The following KLHL32 variants were observed in gnomAD, a reference collection of about 807,000 sequenced individuals.
KLHL32 encodes kelch like family member 32, also known as kelch-like protein 32.
In KLHL32, 35 loss-of-function variants were observed where a neutral mutation model predicts 64.8. The observed-to-expected ratio is 0.54, with a 90% CI of 0.41 to 0.72. The LOEUF (loss-of-function observed/expected upper bound fraction) is 0.72. Ranked by LOEUF, KLHL32 falls within the 30% of genes least tolerant of loss-of-function variation. The pLI, the probability that KLHL32 is intolerant of heterozygous loss-of-function variation, is 0.00. For missense variants in KLHL32, 589 were observed against 768.5 expected (o/e 0.77, Z 2.76); for synonymous variants, 259 against 281.0 (o/e 0.92, Z 0.78).
intron 1 of KLHL32, among the ~76,000 whole-genome samples, chr6:96,936,615 A>T (rs975982952): frequency 6.6e-6 from 1 of 152,184 alleles, no homozygotes; most frequent in Non-Finnish European, 1.5e-5. Context: ...AGTCAACATT[A>T]CCTGTTGCTT....
At chr6:96,969,675 CA>C (rs1188666139) in intron 2 of KLHL32, among the ~76,000 whole-genome samples, 6 of 152,316 alleles carry the variant, frequency 3.9e-5, no homozygotes, top group African/African-American at 1.4e-4. Context: ...ACAACTAGGC[CA>C]AAACCTGCCT....
At chr6:96,959,966 T>C (rs1030975515) in intron 1 of KLHL32, among the ~76,000 whole-genome samples, 11 of 152,208 alleles carry the variant, frequency 7.2e-5, no homozygotes, top group Non-Finnish European at 1.3e-4. Flanking sequence ...TTCCCTTTTT[T>C]ACTGTTAGGT....
In KLHL32 at chr6:97,000,918, T is replaced by C. The variant is rs145973377; in HGVS notation, c.204+24741T>C. On this transcript the variant is annotated intron_variant, in intron 3 of 10. Coordinates refer to ENST00000369261, the MANE Select transcript of KLHL32 (RefSeq NM_052904.4). ...ACTTGAATTTATATTACAAAGTGAA[T>C]GAAGCCAGTCTAAAAAGACTATCTA... Among the ~76,000 whole-genome samples, 55 of 152,302 alleles carry C rather than the reference T, an allele frequency of 3.6e-4. 1 individual carries two copies. In the East Asian group the frequency reaches 0.01, roughly 28 times the overall value.
At chr6:97,046,732 C>T (rs1340939096) in intron 4 of KLHL32, among the ~76,000 whole-genome samples, 2 of 152,152 alleles carry the variant, frequency 1.3e-5, no homozygotes, top group Non-Finnish European at 2.9e-5. Flanking sequence ...CAGCTGCTTT[C>T]TCTTACTATG....
At chr6:97,082,380 G>A (rs535060960) in intron 5 of KLHL32, among the ~76,000 whole-genome samples, 3 of 152,058 alleles carry the variant, frequency 2.0e-5, no homozygotes, top group African/African-American at 4.8e-5. Context: ...TTGGGAGGCC[G>A]AGGCGGGCGG....
rs747902963 is a variant in KLHL32, at chr6:96,976,116, CT to C, written c.144del (p.Glu49ArgfsTer12). 1 of 1,607,630 alleles carries C rather than the reference CT, an allele frequency of 6.2e-7. No individual in the cohort carries two copies. Among genetic ancestry groups the C allele is most frequent in the Non-Finnish European group, 8.5e-7 (1 of 1,175,318 alleles). ...DGILCDITLIAEEQKFHAHKA... is the reference protein window; with the variant it reads ...DGILCDITLIXEEQKFHAHKA... ...ATCCTCTGCGACATCACCCTGATTGCTGAGGAACAGAAATTCCATGCTCACA... is the reference window on the plus strand; with the variant it reads ...ATCCTCTGCGACATCACCCTGATTGCGAGGAACAGAAATTCCATGCTCACA... On this transcript the variant is annotated frameshift_variant, in exon 3 of 11. Coordinates refer to ENST00000369261, the MANE Select transcript of KLHL32 (RefSeq NM_052904.4). LOFTEE classifies it high-confidence loss of function.
chr6:96,924,051 C>T (rs949830597), upstream of KLHL32, among the ~76,000 whole-genome samples: 1 of 152,160 alleles, frequency 6.6e-6, no homozygotes, highest in African/African-American at 2.4e-5. Flanking sequence ...CACCCTTTCT[C>T]ATTTCTCAGG....
intron 3 of KLHL32, among the ~76,000 whole-genome samples, chr6:97,006,799 A>T (rs927112793): frequency 5.3e-5 from 8 of 152,244 alleles, no homozygotes; most frequent in African/African-American, 1.9e-4. Context: ...TTTTTCTTTA[A>T]GAATGCTGAA....
At chr6:96,941,158 T>G (rs1171574005) in intron 1 of KLHL32, among the ~76,000 whole-genome samples, 1 of 152,224 alleles carries the variant, frequency 6.6e-6, no homozygotes, top group Non-Finnish European at 1.5e-5. Flanking sequence ...GGTTGAAATT[T>G]TAAAAAATAA....
intron 3 of KLHL32, among the ~76,000 whole-genome samples, chr6:97,018,815 A>G (rs1781594156): frequency 6.6e-6 from 1 of 152,242 alleles, no homozygotes; most frequent in South Asian, 2.1e-4. Context: ...ACCTATATTC[A>G]CTTAACAAAC....
the KLHL32 span, among the ~76,000 whole-genome samples, chr6:96,917,313 C>A: frequency 6.6e-6 from 1 of 152,226 alleles, no homozygotes; most frequent in African/African-American, 2.4e-5. Flanking sequence ...TCCCTGATCT[C>A]TCTGCCTGAT....
At chr6:97,080,379 A>G (rs1319809743) in intron 5 of KLHL32, among the ~76,000 whole-genome samples, 1 of 152,212 alleles carries the variant, frequency 6.6e-6, no homozygotes, top group Non-Finnish European at 1.5e-5. Flanking sequence ...TTATAAGTAA[A>G]CAGAAAAAGC....
chr6:96,938,553 A>G (rs894248202), intron 1 of KLHL32, among the ~76,000 whole-genome samples: 11 of 152,008 alleles, frequency 7.2e-5, no homozygotes, highest in Admixed American at 1.3e-4. Flanking sequence ...CTGCCTGTGG[A>G]CCACACTGTT....
chr6:96,973,245 T>A (rs958776419), intron 2 of KLHL32, among the ~76,000 whole-genome samples: 10 of 152,222 alleles, frequency 6.6e-5, no homozygotes, highest in African/African-American at 2.4e-4. Flanking sequence ...TTGCCAAATT[T>A]CAGTTTACAG....
At chr6:97,112,542 G>A (rs1193428147) in intron 6 of KLHL32, among the ~76,000 whole-genome samples, 1 of 151,832 alleles carries the variant, frequency 6.6e-6, no homozygotes, top group Non-Finnish European at 1.5e-5. Context: ...CACCTCCCGG[G>A]TTCAAGCAAT....
Position 96,982,299 on chromosome 6 carries a change from G to C in KLHL32, c.204+6122G>C, listed in dbSNP as rs376895166. 5.3e-5 allele frequency among the ~76,000 whole-genome samples: 8 copies of C among 152,148 alleles called. 1 individual carries two copies. The highest frequency in any genetic ancestry group is 1.9e-4 in the African/African-American group (8 of 41,546). ...TTGTTGAATTGACCCTTTACCATTA[G>C]GTAATGCCCTTCTTTGTCTTCTTTT... On this transcript the variant is annotated intron_variant, in intron 3 of 10. Coordinates refer to ENST00000369261, the MANE Select transcript of KLHL32 (RefSeq NM_052904.4).
intron 6 of KLHL32, among the ~76,000 whole-genome samples, chr6:97,108,753 C>G (rs1796736192): frequency 6.6e-6 from 1 of 152,130 alleles, no homozygotes; most frequent in Non-Finnish European, 1.5e-5. Context: ...TTTATGTTAT[C>G]AGAATCAGCC....
At chr6:97,046,880 T>A (rs1460641819) in intron 4 of KLHL32, among the ~76,000 whole-genome samples, 1 of 152,238 alleles carries the variant, frequency 6.6e-6, no homozygotes, top group African/African-American at 2.4e-5. Context: ...TGTATATAGA[T>A]TTGTAAAAAT....
chr6:96,978,214 G>T (rs1317855822), intron 3 of KLHL32, among the ~76,000 whole-genome samples: 1 of 152,046 alleles, frequency 6.6e-6, no homozygotes, highest in Non-Finnish European at 1.5e-5. Flanking sequence ...TTTCATGAGG[G>T]TTTGGTGTAC....
Sources: gnomAD v4.1 joint callset for allele counts (sites outside exome capture counted in the v4.1 genomes callset) on GRCh38, gnomAD v4.1.1 for gene constraint, MANE v1.5 for transcripts, NCBI Gene and HGNC (gene_info 2026-07-23, HGNC 2026-07-21) for gene names.